The following GALNT17 variants were observed in gnomAD, a reference collection of about 807,000 sequenced individuals.
GALNT17 encodes polypeptide N-acetylgalactosaminyltransferase 17.
Under a neutral mutation model 63.7 loss-of-function variants are expected in GALNT17, and 29 were observed. The observed-to-expected ratio is 0.46, with a 90% CI of 0.34 to 0.62. The LOEUF (loss-of-function observed/expected upper bound fraction) is 0.62. Among genes scored for constraint, GALNT17 ranks in the 20% least tolerant of loss-of-function variants. GALNT17 has a pLI of 0.01. For missense variants in GALNT17, 603 were observed against 799.6 expected (o/e 0.75, Z 2.97); for synonymous variants, 305 against 318.3 (o/e 0.96, Z 0.45).
At chr7:71,353,588 A>G (rs751691328) in intron 2 of GALNT17, among the ~76,000 whole-genome samples, 21 of 152,192 alleles carry the variant, frequency 1.4e-4, no homozygotes, top group South Asian at 2.1e-4. Flanking sequence ...TATTTGTCCA[A>G]TATTTCATCA....
chr7:71,705,462 T>C (rs1271410765), intron 9 of GALNT17, among the ~76,000 whole-genome samples: 1 of 152,128 alleles, frequency 6.6e-6, no homozygotes, highest in Non-Finnish European at 1.5e-5. Flanking sequence ...GGCAGTTCCG[T>C]AGAAAGTTAA....
intron 1 of GALNT17, among the ~76,000 whole-genome samples, chr7:71,206,086 G>GGT (rs2116379730): frequency 6.7e-6 from 1 of 148,552 alleles, no homozygotes; most frequent in East Asian, 2.0e-4. Flanking sequence ...AAATATATGA[G>GGT]GTGTGTGTGT....
intron 1 of GALNT17, among the ~76,000 whole-genome samples, chr7:71,256,696 C>G (rs375632950): frequency 1.1e-4 from 17 of 152,340 alleles, no homozygotes; most frequent in African/African-American, 4.1e-4. Context: ...TCATATTTGG[C>G]TCAGAAGAAA....
chr7:71,167,299 G>A (rs1029809840), intron 1 of GALNT17, among the ~76,000 whole-genome samples: 9 of 152,244 alleles, frequency 5.9e-5, no homozygotes, highest in African/African-American at 2.2e-4. Flanking sequence ...GCATTTTAAT[G>A]TGTGTAGTGA....
At chr7:71,646,899 A>C (rs567512655) in intron 6 of GALNT17, among the ~76,000 whole-genome samples, 1 of 149,756 alleles carries the variant, frequency 6.7e-6, no homozygotes, top group South Asian at 2.1e-4. Context: ...GGTGCCCGCC[A>C]CCACACCCAG....
chr7:71,676,391 C>CT (rs564958459), intron 8 of GALNT17, among the ~76,000 whole-genome samples: 39 of 143,602 alleles, frequency 2.7e-4, no homozygotes, highest in Admixed American at 4.2e-4. Flanking sequence ...TTTTTTTTTT[C>CT]TTTTTTTTTT....
At position 71,201,241 on chromosome 7, in the gene GALNT17, T is replaced by TTATATATATATATATATATA. The variant is rs760770848; in HGVS notation, c.238+68217_238+68218insTATATATATATATATATATA. On this transcript the variant is annotated intron_variant, in intron 1 of 10. Transcript: ENST00000333538. Reference sequence around the variant, plus strand: ...TGTATGGGGGTGTGTGTGTTTATTTTTATATATATATATATAATTTGTGTG... The same window carrying TTATATATATATATATATATA: ...TGTATGGGGGTGTGTGTGTTTATTTTTATATATATATATATATATATATATATATATATATAATTTGTGTG... Among the ~76,000 whole-genome samples, 21 of 138,438 alleles carry TTATATATATATATATATATA rather than the reference T, an allele frequency of 1.5e-4. 1 individual carries two copies. Among genetic ancestry groups the TTATATATATATATATATATA allele is most frequent in the African/African-American group, 5.4e-4 (19 of 35,436 alleles). The allele number at this position is 138,438 out of a possible 152,430, so 90.8% of individuals were successfully genotyped here.
chr7:71,393,814 A>G (rs1325311773), intron 3 of GALNT17, among the ~76,000 whole-genome samples: 7 of 152,138 alleles, frequency 4.6e-5, no homozygotes, highest in Non-Finnish European at 1.0e-4. Flanking sequence ...AATTCTTTGT[A>G]CTCTGTACAT....
chr7:71,215,598 C>T lies in GALNT17; in HGVS notation c.238+82558C>T, dbSNP rs1037991602. ...TAATGTTCAGTTTTTCAATCTTTTT[C>T]GCTCCCACCCCACAGACACCCTTGT... On this transcript the variant is annotated intron_variant, in intron 1 of 10. Transcript: ENST00000333538. Among the ~76,000 whole-genome samples, 10 of 152,074 alleles carry T rather than the reference C, an allele frequency of 6.6e-5. No homozygotes were observed. In the East Asian group the frequency reaches 7.7e-4, roughly 12 times the overall value.
chr7:71,267,480 A>G (rs1790512370), intron 1 of GALNT17, among the ~76,000 whole-genome samples: 1 of 152,136 alleles, frequency 6.6e-6, no homozygotes, highest in African/African-American at 2.4e-5. Flanking sequence ...TAATTCAGCT[A>G]GAAATAGCAG....
chr7:71,554,461 T>C (rs1789130086), intron 5 of GALNT17, among the ~76,000 whole-genome samples: 1 of 152,176 alleles, frequency 6.6e-6, no homozygotes, highest in Non-Finnish European at 1.5e-5. Flanking sequence ...TACCCAGTCT[T>C]GGGGTATATC....
intron 1 of GALNT17, among the ~76,000 whole-genome samples, chr7:71,245,232 GC>G (rs1790072975): frequency 6.6e-6 from 1 of 152,150 alleles, no homozygotes; most frequent in African/African-American, 2.4e-5. Context: ...AAGTCTGTGG[GC>G]TTTTCTAACC....
intron 6 of GALNT17, among the ~76,000 whole-genome samples, chr7:71,586,167 A>G (rs1249539768): frequency 6.6e-6 from 1 of 152,136 alleles, no homozygotes; most frequent in Non-Finnish European, 1.5e-5. Flanking sequence ...TCAGCCTCCC[A>G]AAGTGCTGGG....
chr7:71,465,104 T>A (rs767473768), intron 5 of GALNT17, among the ~76,000 whole-genome samples: 4 of 152,168 alleles, frequency 2.6e-5, no homozygotes, highest in Non-Finnish European at 4.4e-5. Context: ...AGGTGACCAA[T>A]GGCCACAGAC....
chr7:71,560,406 C>A (rs574275650), intron 5 of GALNT17, among the ~76,000 whole-genome samples: 4 of 151,924 alleles, frequency 2.6e-5, no homozygotes, highest in Non-Finnish European at 5.9e-5. Context: ...CAAGCAACTC[C>A]CCATGAGAAC....
chr7:71,710,869 C>T lies in GALNT17; in HGVS notation c.1609C>T (p.Gln537Ter). The T allele has an allele frequency of 1.2e-6, 2 of 1,614,014 alleles. No homozygotes were observed. Among genetic ancestry groups the T allele is most frequent in the Non-Finnish European group, 1.7e-6 (2 of 1,180,020 alleles). Residue 537 changes from glutamine (Q) to a stop codon, truncating the protein, a stop_gained, in exon 10 of 11, where the codon CAG (glutamine) becomes TAG (stop). Coordinates refer to ENST00000333538, the MANE Select transcript of GALNT17 (RefSeq NM_022479.3). LOFTEE classifies it high-confidence loss of function. ...GGACAACTCCAAGAGTCGGCTGCCC[C>T]AGCTCCTGGACTGCGACAAGGTCAA... ...LVDNSKSRLP[Q>*]LLDCDKVKSS...
intron 1 of GALNT17, among the ~76,000 whole-genome samples, chr7:71,261,486 G>A (rs747462300): frequency 5.3e-5 from 8 of 152,212 alleles, no homozygotes; most frequent in Non-Finnish European, 8.8e-5. Flanking sequence ...GGGTTCTCCT[G>A]GGAGTCAGGG....
chr7:71,373,581 TGCTCCCCATCCCTCACTTGA>T (rs1792666915), intron 2 of GALNT17, among the ~76,000 whole-genome samples: 1 of 152,146 alleles, frequency 6.6e-6, no homozygotes, highest in African/African-American at 2.4e-5. Flanking sequence ...TATTTACAGC[TGCTCCCCATCCCTCACTTGA>T]GCTCTGGCTC....
chr7:71,665,368 T>C (rs1374630534), intron 6 of GALNT17, 43 bp from the exon 7 acceptor site: 2 of 1,569,682 alleles, frequency 1.3e-6, no homozygotes. Context: ...GCATAGCCTC[T>C]GGGAATTTCT....
Sources: allele counts gnomAD v4.1 joint callset (sites outside exome capture counted in the v4.1 genomes callset), GRCh38; gene constraint gnomAD v4.1.1; transcripts MANE v1.5; gene names NCBI Gene and HGNC (gene_info 2026-07-23, HGNC 2026-07-21).